TLDC2: variants seen among roughly 807,000 people sequenced by gnomAD.
The protein encoded by TLDC2 is TLD domain-containing protein 2.
A neutral mutation model predicts 27.9 loss-of-function variants in TLDC2; 23 were observed. The ratio of observed to expected loss-of-function variants is 0.82; its 90% confidence interval spans 0.59 to 1.17. The LOEUF (loss-of-function observed/expected upper bound fraction) is 1.17. TLDC2 is among the 50% of genes most tolerant of loss of function. The pLI is 0.00. For synonymous variants in TLDC2, 124 were observed against 107.4 expected, an observed-to-expected ratio of 1.16 and a Z score of -0.96; for missense variants, 286 against 273.4, an observed-to-expected ratio of 1.05 and a Z score of -0.32.
intron 5 of TLDC2, among the ~76,000 whole-genome samples, chr20:36,889,040 TAAATAAAC>T (rs1989992464): frequency 6.6e-6 from 1 of 151,868 alleles, no homozygotes; most frequent in African/African-American, 2.4e-5. Flanking sequence ...AATAAATAAA[TAAATAAAC>T]AAATAAATAA....
rs1428790828 is a variant in TLDC2 at position 36,878,062 on chromosome 20, C to T, written c.189+8C>T. On this transcript the variant is annotated splice_region_variant and intron_variant, in intron 2 of 6. Transcript: ENST00000217320. ...GCCTCAGAGATTCGGCAGGTCTGGG[C>T]ATTGCCCATGGCACAAGAATTTCAG... 3 of 1,609,212 alleles carry T rather than the reference C, an allele frequency of 1.9e-6. No individual in the cohort carries two copies. The highest frequency in any genetic ancestry group is 2.2e-5 in the South Asian group (2 of 90,324).
chr20:36,877,907 G>A lies in TLDC2; in HGVS notation c.42G>A (p.Gln14=). 1.2e-6 allele frequency: 2 copies of A among 1,613,022 alleles called. No homozygotes were observed. The highest frequency in any genetic ancestry group is 1.7e-6 in the Non-Finnish European group (2 of 1,179,608). Residue 14 remains glutamine (Q), a synonymous_variant, in exon 2 of 7, where the codon CAG becomes CAA. Transcript: ENST00000217320. ...LRWRYTRLPS[Q]VEDTLSGEEG... ...ACTTTGTGTTTTTGCAGCCCAGCCA[G>A]GTGGAGGACACCCTGTCTGGGGAGG...
Position 36,893,960 on chromosome 20 carries a change from G to GTT in TLDC2, c.*1121_*1122dup, listed in dbSNP as rs754455776. The stretch of plus-strand genomic sequence containing the variant: ...GGTGAGAAGAGGGCAGAGAAGTCAG[G>GTT]TTTTTTCTCTCCCTACCTCCTCTGG... On this transcript the variant is annotated 3_prime_UTR_variant, in exon 7 of 7. Transcript: ENST00000217320. 9 of 398,450 alleles carry GTT rather than the reference G, an allele frequency of 2.3e-5. No homozygotes were observed. Among genetic ancestry groups the GTT allele is most frequent in the Admixed American group, 2.2e-4 (5 of 22,702 alleles). 24.7% of individuals were successfully genotyped at this position (398,450 alleles called of 1,614,324 possible).
chr20:36,889,538 A>AG, intron 6 of TLDC2, 135 bp downstream of exon 6: 3 of 1,094,342 alleles, frequency 2.7e-6, no homozygotes, highest in Non-Finnish European at 3.8e-6. Flanking sequence ...TGGGGACCCA[A>AG]GATACAGGTG....
At chr20:36,882,868 C>A (rs1024845304) in intron 4 of TLDC2, among the ~76,000 whole-genome samples, 2 of 152,162 alleles carry the variant, frequency 1.3e-5, no homozygotes, top group African/African-American at 4.8e-5. Flanking sequence ...TAGAATTTTC[C>A]TTCCATTGCA....
Position 36,887,444 on chromosome 20 carries a change from G to C in TLDC2, c.439-11G>C. 1.9e-6 allele frequency: 3 copies of C among 1,612,964 alleles called. No homozygotes were observed. Among genetic ancestry groups the C allele is most frequent in the Non-Finnish European group, 2.5e-6 (3 of 1,178,922 alleles). The stretch of plus-strand genomic sequence containing the variant: ...CTTAGTAACCTGAGCCTTTCCCTAT[G>C]TATCACCCAGGTCTTTAAGTGGACT... On this transcript the variant is annotated splice_polypyrimidine_tract_variant and intron_variant, in intron 4 of 6. Transcript: ENST00000217320.
At position 36,889,364 on chromosome 20, in the gene TLDC2, T is replaced by C; in HGVS notation, c.626T>C (p.Leu209Pro). The C allele has an allele frequency of 6.2e-7, 1 of 1,614,128 alleles. No homozygotes were observed. Among genetic ancestry groups the C allele is most frequent in the Non-Finnish European group, 8.5e-7 (1 of 1,180,016 alleles). The part of the protein sequence containing the change: ...ARQEQFCIQE[L>P]EAWLLS ...CAGGAGCAGTTCTGCATCCAGGAGCTGGAGGCTTGGCTTCTCAGCTGACAG... is the reference window on the plus strand; with the variant it reads ...CAGGAGCAGTTCTGCATCCAGGAGCCGGAGGCTTGGCTTCTCAGCTGACAG... Residue 209 changes from leucine to proline, a missense_variant, in exon 6 of 7, where the codon CTG becomes CCG. Leu to Pro is a moderately conservative substitution (Grantham distance 98, BLOSUM62 -3). Coordinates refer to ENST00000217320, the MANE Select transcript of TLDC2 (RefSeq NM_080628.3).
At chr20:36,884,803 A>G (rs1363981458) in intron 4 of TLDC2, among the ~76,000 whole-genome samples, 1 of 151,098 alleles carries the variant, frequency 6.6e-6, no homozygotes, top group East Asian at 1.9e-4. Context: ...AAATAAAATG[A>G]CAACACCCAG....
At chr20:36,889,532 G>T in intron 6 of TLDC2, 129 bp downstream of exon 6, 2 of 1,186,342 alleles carry the variant, frequency 1.7e-6, no homozygotes, top group Non-Finnish European at 2.3e-6. Context: ...GTGGCCTGGG[G>T]ACCCAAGATA....
Position 36,879,155 on chromosome 20 carries a change from G to A in TLDC2, c.304G>A (p.Gly102Arg), listed in dbSNP as rs3748460. 3.9e-3 allele frequency: 6,286 copies of A among 1,613,948 alleles called. 105 individuals are homozygous for A. The highest frequency in any genetic ancestry group is 0.034 in the East Asian group (1,506 of 44,858). ...GTACCGGCGGATGGAGGGCTGCAGC[G>A]GGCCAGTGCTGCTGGTGCTCAGGGA... ...SLYRRMEGCS[G>R]PVLLVLRDQD... The change falls in exon 3 of 7, where the codon GGG (glycine) becomes AGG (arginine). Residue 102 changes from glycine to arginine, a missense_variant. Transcript: ENST00000217320.
At position 36,893,019 on chromosome 20, in the gene TLDC2, C is replaced by G. The variant is rs1278359420; in HGVS notation, c.*175C>G. On this transcript the variant is annotated 3_prime_UTR_variant, in exon 7 of 7. Transcript: ENST00000217320. ...GATTTTGGACTGAAGTACTGTCGTT[C>G]CATTCCTTTTTTTGAGGTGTTATGA... 1 of 1,613,814 alleles carries G rather than the reference C, an allele frequency of 6.2e-7. No homozygotes were observed. The highest frequency in any genetic ancestry group is 1.1e-5 in the South Asian group (1 of 91,044).
Position 36,878,074 on chromosome 20 carries a change from C to T in TLDC2, c.189+20C>T. On this transcript the variant is annotated intron_variant, in intron 2 of 6. Coordinates refer to ENST00000217320, the MANE Select transcript of TLDC2 (RefSeq NM_080628.3). ...CGGCAGGTCTGGGCATTGCCCATGG[C>T]ACAAGAATTTCAGCCCTAAACCTAA... The T allele has an allele frequency of 6.2e-7, 1 of 1,602,270 alleles. No homozygotes were observed. Among genetic ancestry groups the T allele is most frequent in the Non-Finnish European group, 8.5e-7 (1 of 1,174,324 alleles).
In TLDC2 at chr20:36,893,609, C is replaced by T. The variant is rs749662092; in HGVS notation, c.*765C>T. 2 of 335,200 alleles carry T rather than the reference C, an allele frequency of 6.0e-6. No individual in the cohort carries two copies. Among genetic ancestry groups the T allele is most frequent in the East Asian group, 9.5e-5 (2 of 20,944 alleles). 20.8% of individuals were successfully genotyped at this position (335,200 alleles called of 1,614,324 possible). A position where few individuals can be genotyped will look rare whatever the true frequency, so the allele number is the denominator to read the frequency against. ...AATAAGGGAGAGATCCAAAGGGAGGCGATACAATGACGTGAAACCATAGAG... is the reference window on the plus strand; with the variant it reads ...AATAAGGGAGAGATCCAAAGGGAGGTGATACAATGACGTGAAACCATAGAG... On this transcript the variant is annotated 3_prime_UTR_variant, in exon 7 of 7. Coordinates refer to ENST00000217320, the MANE Select transcript of TLDC2 (RefSeq NM_080628.3).
intron 5 of TLDC2, among the ~76,000 whole-genome samples, chr20:36,888,840 G>A (rs1227865429): frequency 1.3e-5 from 2 of 151,382 alleles, no homozygotes; most frequent in Non-Finnish European, 2.9e-5. Context: ...GGCCAACATA[G>A]CAAAACCCCA....
Position 36,877,111 on chromosome 20 carries a change from C to T in TLDC2, c.34-788C>T, listed in dbSNP as rs890915871. Among the ~76,000 whole-genome samples the T allele has an allele frequency of 2.0e-5, 3 of 152,188 alleles. No individual in the cohort carries two copies. The East Asian group carries it at 5.8e-4, about 29-fold the overall frequency. ...AAGAAGAAATACACAGAAGGCCAGG[C>T]GCGGTGGCTCACGCCTGTAATCCCA... On this transcript the variant is annotated intron_variant, in intron 1 of 6. Coordinates refer to ENST00000217320, the MANE Select transcript of TLDC2 (RefSeq NM_080628.3).
chr20:36,887,445 T>TATC lies in TLDC2; in HGVS notation c.439-8_439-6dup. On this transcript the variant is annotated splice_polypyrimidine_tract_variant and intron_variant, in intron 4 of 6. Transcript: ENST00000217320. ...TTAGTAACCTGAGCCTTTCCCTATG[T>TATC]ATCACCCAGGTCTTTAAGTGGACTG... is the stretch of plus-strand genomic sequence containing the variant. 6.2e-7 allele frequency: 1 copy of TATC among 1,612,940 alleles called. No individual in the cohort carries two copies. Among genetic ancestry groups the TATC allele is most frequent in the Non-Finnish European group, 8.5e-7 (1 of 1,178,916 alleles).
chr20:36,887,603 T>G, intron 5 of TLDC2, 75 bp downstream of exon 5: 1 of 1,413,140 alleles, frequency 7.1e-7, no homozygotes, highest in Non-Finnish European at 1.0e-6. Flanking sequence ...ACTGCTGGGC[T>G]AGGCTGCCCT....
intron 5 of TLDC2, among the ~76,000 whole-genome samples, chr20:36,888,149 A>G (rs528222547): frequency 6.6e-6 from 1 of 152,278 alleles, no homozygotes; most frequent in Non-Finnish European, 1.5e-5. Context: ...TTTCTGTCAA[A>G]TAAGGGGATT....
intron 4 of TLDC2, among the ~76,000 whole-genome samples, chr20:36,886,291 C>T (rs1205439768): frequency 9.2e-5 from 14 of 152,048 alleles, no homozygotes. Context: ...CTGTGACCAG[C>T]TAGGTTTAAA....
Sources: gnomAD v4.1 joint callset for allele counts (sites outside exome capture counted in the v4.1 genomes callset) on GRCh38, gnomAD v4.1.1 for gene constraint, MANE v1.5 for transcripts, NCBI Gene and HGNC (gene_info 2026-07-23, HGNC 2026-07-21) for gene names.